Variants in NRXN1 observed in about 807,000 individuals in gnomAD.
NRXN1 encodes neurexin 1.
In NRXN1, 39 loss-of-function variants were observed where a neutral mutation model predicts 150.9. The ratio of observed to expected loss-of-function variants is 0.26; its 90% CI spans 0.20 to 0.34. The LOEUF (loss-of-function observed/expected upper bound fraction) is 0.34. Among genes scored for constraint, NRXN1 ranks in the 10% least tolerant of loss-of-function variants. The pLI, the probability that NRXN1 is intolerant of heterozygous loss-of-function variation, is 1.00. For synonymous variants in NRXN1, 924 were observed against 757.0 expected (o/e 1.22, Z -3.62); for missense variants, 1,815 against 1,949.9 (o/e 0.93, Z 1.30).
At chr2:50,543,174 C>A (rs913235677) in intron 9 of NRXN1, among the ~76,000 whole-genome samples, 1 of 152,078 alleles carries the variant, frequency 6.6e-6, no homozygotes, top group African/African-American at 2.4e-5. Context: ...CCAGGAACCA[C>A]AAATACTGAC....
intron 21 of NRXN1, among the ~76,000 whole-genome samples, chr2:50,018,002 G>A (rs58906199): frequency 0.032 from 4,867 of 152,130 alleles, 254 homozygotes; most frequent in African/African-American, 0.11. Flanking sequence ...GGAAGATGTC[G>A]ATTTAAATGT....
intron 5 of NRXN1, chr2:50,624,922 A>C (rs1351339801): frequency 1.3e-5 from 2 of 152,082 alleles, no homozygotes; most frequent in Non-Finnish European, 2.9e-5. Flanking sequence ...AACCAAAGGA[A>C]GAATGTAAGC....
chr2:50,309,012 T>C (rs914218716), intron 17 of NRXN1, among the ~76,000 whole-genome samples: 2 of 152,194 alleles, frequency 1.3e-5, no homozygotes, highest in Non-Finnish European at 2.9e-5. Context: ...CAGTAAATAT[T>C]AGCTACAAAT....
At chr2:50,580,904 G>T (rs985213259) in intron 8 of NRXN1, among the ~76,000 whole-genome samples, 2 of 152,192 alleles carry the variant, frequency 1.3e-5, no homozygotes, top group Non-Finnish European at 2.9e-5. Flanking sequence ...AGTTGCTATA[G>T]TCCCAAAAGA....
intron 19 of NRXN1, among the ~76,000 whole-genome samples, chr2:50,057,081 T>C (rs1242996993): frequency 1.3e-5 from 2 of 152,144 alleles, no homozygotes; most frequent in Non-Finnish European, 2.9e-5. Flanking sequence ...CCATTTTCCA[T>C]ATAAGCCAAT....
At chr2:50,805,648 A>G (rs909630705) in intron 5 of NRXN1, among the ~76,000 whole-genome samples, 18 of 152,144 alleles carry the variant, frequency 1.2e-4, no homozygotes, top group Non-Finnish European at 2.2e-4. Context: ...AAAAGGACGG[A>G]AGGAAGGAAG....
chr2:50,648,931 A>G (rs572155642), intron 5 of NRXN1, among the ~76,000 whole-genome samples: 1 of 152,064 alleles, frequency 6.6e-6, no homozygotes, highest in South Asian at 2.1e-4. Flanking sequence ...TTTCTCTTGT[A>G]TAAACATATA....
chr2:49,945,779 G>A (rs1462169712), intron 21 of NRXN1, among the ~76,000 whole-genome samples: 2 of 152,104 alleles, frequency 1.3e-5, no homozygotes, highest in Non-Finnish European at 2.9e-5. Context: ...TCTATATCCA[G>A]TCTATCATTG....
chr2:50,453,347 T>C (rs2087186100), intron 17 of NRXN1, among the ~76,000 whole-genome samples: 1 of 152,334 alleles, frequency 6.6e-6, no homozygotes, highest in East Asian at 1.9e-4. Flanking sequence ...ACAATGCTGA[T>C]CCAGGTACCA....
chr2:50,854,563 T>G (rs1674991450), intron 5 of NRXN1, among the ~76,000 whole-genome samples: 1 of 152,102 alleles, frequency 6.6e-6, no homozygotes, highest in Non-Finnish European at 1.5e-5. Context: ...AACAGACTGG[T>G]TATTTCCAAG....
At chr2:50,919,211 G>A (rs1374902023) in intron 5 of NRXN1, 1 of 151,746 alleles carries the variant, frequency 6.6e-6, no homozygotes, top group Non-Finnish European at 1.5e-5. Flanking sequence ...CATGATAAGG[G>A]ATTTTGCAGT....
intron 17 of NRXN1, among the ~76,000 whole-genome samples, chr2:50,271,467 A>G (rs563148): frequency 0.66 from 100,259 of 152,016 alleles, 34,085 homozygotes; most frequent in African/African-American, 0.82. Flanking sequence ...TATTTTAGGA[A>G]TGGTTATTTC....
chr2:50,751,601 C>T (rs548510347), intron 5 of NRXN1, among the ~76,000 whole-genome samples: 8 of 152,026 alleles, frequency 5.3e-5, no homozygotes, highest in Admixed American at 2.6e-4. Flanking sequence ...AGCCCATCTT[C>T]GGTCAGCACA....
chr2:50,737,220 A>C (rs569668086), intron 5 of NRXN1, among the ~76,000 whole-genome samples: 1 of 152,282 alleles, frequency 6.6e-6, no homozygotes, highest in South Asian at 2.1e-4. Flanking sequence ...ATAAAAGTTA[A>C]CTATTTGAGA....
chr2:50,173,768 C>T (rs1189736387), intron 18 of NRXN1, among the ~76,000 whole-genome samples: 6 of 151,894 alleles, frequency 4.0e-5, no homozygotes, highest in African/African-American at 9.7e-5. Context: ...TTACGAAGGG[C>T]GTGGCTTTAA....
intron 15 of NRXN1, among the ~76,000 whole-genome samples, chr2:50,490,193 C>G (rs969273865): frequency 1.3e-5 from 2 of 152,078 alleles, no homozygotes; most frequent in Admixed American, 6.5e-5. Flanking sequence ...GTGTCTTTTC[C>G]CTGAACCTCG....
At chr2:50,910,241 T>C (rs1051302775) in intron 5 of NRXN1, among the ~76,000 whole-genome samples, 55 of 152,038 alleles carry the variant, frequency 3.6e-4, no homozygotes, top group African/African-American at 1.3e-3. Flanking sequence ...AGTTGTTTCC[T>C]TTGAAAATTA....
At chr2:50,587,750 G>A (rs1387719710) in intron 8 of NRXN1, among the ~76,000 whole-genome samples, 1 of 152,054 alleles carries the variant, frequency 6.6e-6, no homozygotes. Context: ...TGATAAGATA[G>A]AGAATACATA....
At chr2:50,067,252 C>T (rs1332703806) in intron 19 of NRXN1, among the ~76,000 whole-genome samples, 2 of 152,202 alleles carry the variant, frequency 1.3e-5, no homozygotes, top group South Asian at 4.1e-4. Context: ...TCTTCCTTCA[C>T]ATCCCTCTCT....
Sources: gnomAD v4.1 joint callset for allele counts (sites outside exome capture counted in the v4.1 genomes callset) on GRCh38, gnomAD v4.1.1 for gene constraint, MANE v1.5 for transcripts, NCBI Gene and HGNC (gene_info 2026-07-23, HGNC 2026-07-21) for gene names.